The following GALNTL6 variants were observed in gnomAD, a reference collection of about 807,000 sequenced individuals.
GALNTL6 encodes the protein polypeptide N-acetylgalactosaminyltransferase-like 6.
A neutral mutation model predicts 73.7 loss-of-function variants in GALNTL6; 46 were observed. The ratio of observed to expected loss-of-function variants is 0.62; its 90% CI spans 0.49 to 0.80. The LOEUF (loss-of-function observed/expected upper bound fraction) is 0.80, where lower values mean the gene tolerates loss of function less well. GALNTL6 is among the 30% of genes least tolerant of loss of function. GALNTL6 has a pLI of 0.00. For missense variants in GALNTL6, 604 were observed against 755.0 expected, an observed-to-expected ratio of 0.80 and a Z score of 2.34; for synonymous variants, 259 against 263.7, an observed-to-expected ratio of 0.98 and a Z score of 0.17.
intron 2 of GALNTL6, among the ~76,000 whole-genome samples, chr4:171,969,768 CTT>C (rs34630281): frequency 2.1e-5 from 3 of 143,920 alleles, no homozygotes; most frequent in Non-Finnish European, 3.0e-5. Context: ...CTCCAAACCA[CTT>C]TTTTTTTTTT....
intron 5 of GALNTL6, among the ~76,000 whole-genome samples, chr4:172,375,324 A>G (rs1475062399): frequency 6.6e-6 from 1 of 152,160 alleles, no homozygotes; most frequent in African/African-American, 2.4e-5. Context: ...ATTTTTCCCC[A>G]TCAGAGAGAG....
intron 7 of GALNTL6, among the ~76,000 whole-genome samples, chr4:172,863,483 T>C (rs1407040168): frequency 1.9e-4 from 29 of 152,202 alleles, no homozygotes. Context: ...GGAGATCATT[T>C]TGGAGCTTTA....
At chr4:172,030,335 C>T (rs192768875) in intron 2 of GALNTL6, among the ~76,000 whole-genome samples, 11 of 152,084 alleles carry the variant, frequency 7.2e-5, no homozygotes, top group Admixed American at 7.2e-4. Flanking sequence ...ATGAATCCTG[C>T]GGCATGTCAA....
At chr4:172,829,920 C>T (rs1742528360) in intron 7 of GALNTL6, among the ~76,000 whole-genome samples, 1 of 151,974 alleles carries the variant, frequency 6.6e-6, no homozygotes, top group African/African-American at 2.4e-5. Flanking sequence ...AATGCTGAGT[C>T]TAAAAAATAA....
intron 2 of GALNTL6, among the ~76,000 whole-genome samples, chr4:171,988,849 G>C (rs547075385): frequency 1.7e-4 from 26 of 152,214 alleles, no homozygotes; most frequent in South Asian, 6.2e-4. Context: ...GCTAAGGAGG[G>C]AGTAGAGGTG....
At chr4:172,438,065 G>A (rs1056200612) in intron 5 of GALNTL6, among the ~76,000 whole-genome samples, 1 of 152,058 alleles carries the variant, frequency 6.6e-6, no homozygotes, top group Admixed American at 6.6e-5. Flanking sequence ...TCTACTAATT[G>A]TGGTGTTTTT....
chr4:172,540,051 C>CTTTTT (rs70944413), intron 5 of GALNTL6, among the ~76,000 whole-genome samples: 19 of 129,196 alleles, frequency 1.5e-4, no homozygotes, highest in African/African-American at 2.0e-4. Flanking sequence ...TTCTTTCTTT[C>CTTTTT]TTTTTTTTTT....
chr4:173,010,994 T>C (rs894671396), intron 11 of GALNTL6, among the ~76,000 whole-genome samples: 11 of 152,156 alleles, frequency 7.2e-5, no homozygotes, highest in African/African-American at 1.9e-4. Flanking sequence ...AGTTTTCCCA[T>C]TTCTCCGTAT....
intron 3 of GALNTL6, among the ~76,000 whole-genome samples, chr4:172,301,988 A>G (rs1739947762): frequency 6.6e-6 from 1 of 152,202 alleles, no homozygotes; most frequent in East Asian, 1.9e-4. Context: ...TGAGGCAGGC[A>G]GGCCTCCTTG....
intron 7 of GALNTL6, among the ~76,000 whole-genome samples, chr4:172,827,348 G>A (rs1358148954): frequency 6.6e-6 from 1 of 152,034 alleles, no homozygotes; most frequent in Non-Finnish European, 1.5e-5. Flanking sequence ...CCCTTTGCGG[G>A]TTACAGAGAA....
At position 173,021,027 on chromosome 4, in the gene GALNTL6, C is replaced by T. The variant is rs187602197; in HGVS notation, c.1489-449C>T. On this transcript the variant is annotated intron_variant, in intron 11 of 12. Coordinates refer to ENST00000506823, the MANE Select transcript of GALNTL6 (RefSeq NM_001034845.3). ...GGTGGAGGATGCAGTGAGCCGAGAT[C>T]GCACCACTGCACTCCAGCCTGGGAG... 3.2e-4 allele frequency among the ~76,000 whole-genome samples: 49 copies of T among 152,266 alleles called. No homozygotes were observed. The East Asian group carries it at 4.4e-3, about 14-fold the overall frequency.
chr4:173,012,967 G>A (rs750933548), intron 11 of GALNTL6, among the ~76,000 whole-genome samples: 10 of 152,040 alleles, frequency 6.6e-5, no homozygotes, highest in Admixed American at 2.0e-4. Flanking sequence ...TTGAAACCCC[G>A]TCTCTACTAA....
At chr4:173,039,405 C>CA (rs1208717886) in intron 12 of GALNTL6, among the ~76,000 whole-genome samples, 4 of 151,160 alleles carry the variant, frequency 2.6e-5, no homozygotes, top group African/African-American at 4.9e-5. Context: ...TTGACTGCTG[C>CA]TTTTTTTTTT....
In GALNTL6 at chr4:171,906,946, C is replaced by G. The variant is rs185588664; in HGVS notation, c.138+92228C>G. Among the ~76,000 whole-genome samples the G allele has an allele frequency of 5.9e-5, 9 of 152,190 alleles. No homozygotes were observed. In the East Asian group the frequency reaches 7.7e-4, roughly 13 times the overall value. On this transcript the variant is annotated intron_variant, in intron 2 of 12. Transcript: ENST00000506823. Reference sequence around the variant, plus strand: ...AAGCCCTTTGGCAAAATTCAACAACCCTTCATGCTAAAAACTCTTAATAAA... The same window carrying G: ...AAGCCCTTTGGCAAAATTCAACAACGCTTCATGCTAAAAACTCTTAATAAA...
At chr4:172,813,099 T>C (rs2110997874) in intron 6 of GALNTL6, among the ~76,000 whole-genome samples, 1 of 152,274 alleles carries the variant, frequency 6.6e-6, no homozygotes, top group South Asian at 2.1e-4. Context: ...AATTAGATGC[T>C]ACAAAAACCA....
chr4:172,946,725 A>C (rs1749182997), intron 9 of GALNTL6, among the ~76,000 whole-genome samples: 1 of 152,240 alleles, frequency 6.6e-6, no homozygotes, highest in African/African-American at 2.4e-5. Flanking sequence ...GTTTGGGTTG[A>C]ATAGAGGAAC....
At position 172,249,329 on chromosome 4, in the gene GALNTL6, A is replaced by G. The variant is rs149759407; in HGVS notation, c.247+19565A>G. Reference sequence around the variant, plus strand: ...AGAGAGATGATTTAGGGTATCTGGCAGAAGAAATTTATAAGTGGCCAAGCA... The same window carrying G: ...AGAGAGATGATTTAGGGTATCTGGCGGAAGAAATTTATAAGTGGCCAAGCA... On this transcript the variant is annotated intron_variant, in intron 3 of 12. Transcript: ENST00000506823. 6.1e-3 allele frequency among the ~76,000 whole-genome samples: 924 copies of G among 152,300 alleles called. 5 individuals are homozygous for G. Among genetic ancestry groups the G allele is most frequent in the Non-Finnish European group, 8.7e-3 (592 of 68,022 alleles).
At chr4:172,289,700 C>A (rs1004610257) in intron 3 of GALNTL6, among the ~76,000 whole-genome samples, 8 of 152,202 alleles carry the variant, frequency 5.3e-5, no homozygotes, top group Non-Finnish European at 1.2e-4. Context: ...CAAAGCCCAT[C>A]TATTTGATGC....
In GALNTL6 at chr4:171,838,866, A is replaced by C. The variant is rs77636040; in HGVS notation, c.138+24148A>C. Reference sequence around the variant, plus strand: ...GCTAGGTCAGGCGAGTAAAGGAAACACAAGGACGGTTGCCTTTTAAGCTGC... The same window carrying C: ...GCTAGGTCAGGCGAGTAAAGGAAACCCAAGGACGGTTGCCTTTTAAGCTGC... On this transcript the variant is annotated intron_variant, in intron 2 of 12. Transcript: ENST00000506823. 1.3e-3 allele frequency among the ~76,000 whole-genome samples: 195 copies of C among 152,314 alleles called. 6 individuals carry two copies. The East Asian group carries it at 0.033, about 26-fold the overall frequency.
Sources: gnomAD v4.1 joint callset for allele counts (sites outside exome capture counted in the v4.1 genomes callset) on GRCh38, gnomAD v4.1.1 for gene constraint, MANE v1.5 for transcripts, NCBI Gene and HGNC (gene_info 2026-07-23, HGNC 2026-07-21) for gene names.